The following TSPEAR variants were observed in gnomAD, a reference collection of about 807,000 sequenced individuals.
TSPEAR encodes thrombospondin-type laminin G domain and EAR repeat-containing protein.
TSPEAR carries 69 observed loss-of-function variants against 71.6 expected under a neutral mutation model. That is an observed-to-expected ratio of 0.96 (90% CI 0.79 to 1.18). TSPEAR has a LOEUF of 1.18. Among genes scored for constraint, TSPEAR ranks in the 50% most tolerant of loss-of-function variants. The pLI is 0.00. For missense variants in TSPEAR, 971 were observed against 894.9 expected, an observed-to-expected ratio of 1.09 and a Z score of -1.09; for synonymous variants, 402 against 387.2, an observed-to-expected ratio of 1.04 and a Z score of -0.45.
chr21:44,667,384 A>G (rs1985844107), intron 1 of TSPEAR, among the ~76,000 whole-genome samples: 2 of 152,222 alleles, frequency 1.3e-5, no homozygotes, highest in Non-Finnish European at 2.9e-5. Context: ...GATGAGAGCT[A>G]GCAGATGGAG....
intron 1 of TSPEAR, among the ~76,000 whole-genome samples, chr21:44,703,989 T>C (rs1296010953): frequency 6.6e-6 from 1 of 152,170 alleles, no homozygotes; most frequent in African/African-American, 2.4e-5. Flanking sequence ...TCCAGCAAGA[T>C]GTTCCCAGGA....
chr21:44,534,979 T>C (rs2053063312), intron 2 of TSPEAR, among the ~76,000 whole-genome samples: 1 of 152,216 alleles, frequency 6.6e-6, no homozygotes, highest in African/African-American at 2.4e-5. Flanking sequence ...TGCTGCAACA[T>C]GGATGAACCT....
chr21:44,575,151 C>T, intron 1 of TSPEAR: 1 of 933,482 alleles, frequency 1.1e-6, no homozygotes, highest in African/African-American at 1.7e-5. Context: ...AATGGAAGAA[C>T]TGAAAGTCTA....
chr21:44,646,832 C>A, intron 1 of TSPEAR: 2 of 1,575,496 alleles, frequency 1.3e-6, no homozygotes, highest in South Asian at 1.2e-5. Context: ...GCTGCTTCTT[C>A]GTGCTGCCGG....
intron 2 of TSPEAR, among the ~76,000 whole-genome samples, chr21:44,555,343 G>A (rs1028333584): frequency 5.3e-5 from 8 of 152,166 alleles, no homozygotes; most frequent in South Asian, 4.1e-4. Context: ...GACGGCTGCC[G>A]GGGCCCACAC....
intron 1 of TSPEAR, among the ~76,000 whole-genome samples, chr21:44,614,949 G>A (rs1424917434): frequency 1.3e-5 from 2 of 152,276 alleles, no homozygotes; most frequent in African/African-American, 2.4e-5. Context: ...GGCACCTGCC[G>A]ACAGGAACCC....
At chr21:44,525,155 TAGTC>T (rs58689458) in intron 8 of TSPEAR, among the ~76,000 whole-genome samples, 2,566 of 151,656 alleles carry the variant, frequency 0.017, 29 homozygotes, top group African/African-American at 0.038. Context: ...GTCAGGTAGT[TAGTC>T]AGTCAGTCAG....
rs2052932368 is a variant in TSPEAR, at chr21:44,529,878, A to AGC, written c.708_709dup (p.Leu237ArgfsTer24). The AGC allele has an allele frequency of 1.2e-6, 2 of 1,613,602 alleles. No individual in the cohort carries two copies. Among genetic ancestry groups the AGC allele is most frequent in the Non-Finnish European group, 1.7e-6 (2 of 1,179,916 alleles). On this transcript the variant is annotated frameshift_variant, in exon 5 of 12. Coordinates refer to ENST00000323084, the MANE Select transcript of TSPEAR (RefSeq NM_144991.3). LOFTEE classifies it high-confidence loss of function. ...GACCCGTGGGATGGACAGCACCGCC[A>AGC]GCGGGGCGTTCCTGCTGGGACACAG...
intron 1 of TSPEAR, among the ~76,000 whole-genome samples, chr21:44,703,900 T>TG (rs1278679186): frequency 1.3e-5 from 2 of 151,876 alleles, no homozygotes; most frequent in Non-Finnish European, 2.9e-5. Context: ...AGCTCCTGAG[T>TG]CCCCCCAGCT....
At chr21:44,552,911 T>C (rs587738267) in intron 2 of TSPEAR, among the ~76,000 whole-genome samples, 1 of 152,280 alleles carries the variant, frequency 6.6e-6, no homozygotes, top group Non-Finnish European at 1.5e-5. Context: ...CAAGAGCCTC[T>C]CATCTGAAGA....
At chr21:44,647,230 GCCC>G (rs1569239285) in intron 1 of TSPEAR, 3 of 1,605,356 alleles carry the variant, frequency 1.9e-6, no homozygotes, top group East Asian at 4.5e-5. Flanking sequence ...CTCCTGCTGT[GCCC>G]CCACCTCCTC....
At chr21:44,570,265 C>A (rs1334742130) in intron 1 of TSPEAR, among the ~76,000 whole-genome samples, 2 of 152,222 alleles carry the variant, frequency 1.3e-5, no homozygotes, top group Non-Finnish European at 2.9e-5. Context: ...AGAGCCTCTC[C>A]CTCCACTGTT....
At chr21:44,627,918 C>A (rs1555934890) in intron 1 of TSPEAR, 1 of 1,519,874 alleles carries the variant, frequency 6.6e-7, no homozygotes, top group Non-Finnish European at 8.9e-7. Flanking sequence ...CCGTCTCCTC[C>A]TGCTGTGCCC....
intron 1 of TSPEAR, chr21:44,657,999 C>G (rs782186059): frequency 6.2e-7 from 1 of 1,613,572 alleles, no homozygotes; most frequent in South Asian, 1.1e-5. Context: ...ACCAGCTGCT[C>G]CCCAGCCTGC....
chr21:44,637,785 C>T (rs781798817), intron 1 of TSPEAR: 1 of 1,360,294 alleles, frequency 7.4e-7, no homozygotes, highest in Non-Finnish European at 1.0e-6. Flanking sequence ...TCCGAGTCTT[C>T]CCCTTCATGC....
chr21:44,513,917 G>A (rs142415517), intron 9 of TSPEAR, among the ~76,000 whole-genome samples: 17 of 152,274 alleles, frequency 1.1e-4, no homozygotes, highest in Non-Finnish European at 1.9e-4. Context: ...GGCCATGGGG[G>A]CAGCGCTACT....
At chr21:44,580,019 C>A in intron 1 of TSPEAR, 2 of 1,595,412 alleles carry the variant, frequency 1.3e-6, no homozygotes, top group African/African-American at 2.7e-5. Context: ...GGGCACACAG[C>A]AGATGGGTTT....
At chr21:44,653,191 C>A (rs782280305) in intron 1 of TSPEAR, among the ~76,000 whole-genome samples, 6 of 152,094 alleles carry the variant, frequency 3.9e-5, no homozygotes, top group Non-Finnish European at 8.8e-5. Context: ...CTAGTCCTTG[C>A]CTTTTCCTGA....
intron 1 of TSPEAR, chr21:44,591,681 G>T (rs781849099): frequency 6.4e-7 from 1 of 1,571,168 alleles, no homozygotes; most frequent in East Asian, 2.4e-5. Flanking sequence ...CACAGCAGGC[G>T]TGCTGGCAGG....
Sources: gnomAD v4.1 joint callset for allele counts (sites outside exome capture counted in the v4.1 genomes callset) on GRCh38, gnomAD v4.1.1 for gene constraint, MANE v1.5 for transcripts, NCBI Gene and HGNC (gene_info 2026-07-23, HGNC 2026-07-21) for gene names.